The following CTNNB1 variants were observed in gnomAD, a reference collection of about 807,000 sequenced individuals.
CTNNB1 encodes the protein catenin beta-1.
In CTNNB1, 6 loss-of-function variants were observed where a neutral mutation model predicts 82.5. The observed-to-expected ratio is 0.07, with a 90% CI of 0.04 to 0.14. The LOEUF (loss-of-function observed/expected upper bound fraction) is 0.14. Ranked by LOEUF, CTNNB1 falls within the 10% of genes least tolerant of loss-of-function variation. The pLI, the probability that CTNNB1 is intolerant of heterozygous loss-of-function variation, is 1.00. For missense variants in CTNNB1, 529 were observed against 980.4 expected, an observed-to-expected ratio of 0.54 and a Z score of 6.15; for synonymous variants, 312 against 329.7, an observed-to-expected ratio of 0.95 and a Z score of 0.58.
chr3:41,204,688 C>CA (rs1298930374), intron 1 of CTNNB1, among the ~76,000 whole-genome samples: 1 of 152,204 alleles, frequency 6.6e-6, no homozygotes, highest in African/African-American at 2.4e-5. Flanking sequence ...TCTTGATTTG[C>CA]AAGTGTTGGT....
At chr3:41,211,239 A>C (rs556103754) in intron 1 of CTNNB1, among the ~76,000 whole-genome samples, 1 of 152,204 alleles carries the variant, frequency 6.6e-6, no homozygotes, top group Non-Finnish European at 1.5e-5. Flanking sequence ...TTTCAGCTCC[A>C]TTATAATCTT....
intron 6 of CTNNB1, 47 bp from the exon 7 acceptor site, chr3:41,227,161 T>G (rs773320938): frequency 6.7e-7 from 1 of 1,493,636 alleles, no homozygotes; most frequent in Non-Finnish European, 9.3e-7. Flanking sequence ...CTCAGACATG[T>G]GATCAAGATT....
intron 8 of CTNNB1, 24 bp downstream of exon 8, chr3:41,233,468 C>T (rs2125638248): frequency 6.2e-7 from 1 of 1,613,452 alleles, no homozygotes; most frequent in Middle Eastern, 1.7e-4. Flanking sequence ...AAACTGGTGC[C>T]ATGGGAATAG....
At position 41,235,862 on chromosome 3, in the gene CTNNB1, G is replaced by A; in HGVS notation, c.1803+19G>A. On this transcript the variant is annotated intron_variant, in intron 11 of 14. Coordinates refer to ENST00000349496, the MANE Select transcript of CTNNB1 (RefSeq NM_001904.4). ...TGTGCAGGTATGTTTTAAGTGAAGT[G>A]TTCTAGGTTTTATGTCCATAAAATT... The A allele has an allele frequency of 1.2e-6, 2 of 1,613,902 alleles. No individual in the cohort carries two copies. Among genetic ancestry groups the A allele is most frequent in the East Asian group, 2.2e-5 (1 of 44,872 alleles).
intron 1 of CTNNB1, among the ~76,000 whole-genome samples, chr3:41,200,994 T>A (rs2077516962): frequency 6.6e-6 from 1 of 152,212 alleles, no homozygotes; most frequent in Non-Finnish European, 1.5e-5. Flanking sequence ...CTTTGTATCA[T>A]GAATAATGGT....
At chr3:41,234,752 T>G (rs2078394003) in intron 10 of CTNNB1, 1 of 187,488 alleles carries the variant, frequency 5.3e-6, no homozygotes, top group African/African-American at 2.4e-5. Flanking sequence ...CAGAAATAAG[T>G]AGTAGCATTT....
chr3:41,205,110 A>G (rs1034937666), intron 1 of CTNNB1, among the ~76,000 whole-genome samples: 8 of 152,326 alleles, frequency 5.3e-5, no homozygotes, highest in African/African-American at 1.4e-4. Flanking sequence ...AGAGGTCTCA[A>G]AACTTAATCT....
Position 41,239,349 on chromosome 3 carries a change from C to T in CTNNB1, c.*7C>T. ...GTTTGATACTGACCTGTAAATCATC[C>T]TTTAGGTAAGAAGTTTTAAAAAGCC... On this transcript the variant is annotated 3_prime_UTR_variant, in exon 15 of 15. Transcript: ENST00000349496. The T allele has an allele frequency of 1.2e-6, 2 of 1,612,566 alleles. No homozygotes were observed. The highest frequency in any genetic ancestry group is 1.7e-6 in the Non-Finnish European group (2 of 1,179,018).
At position 41,225,069 on chromosome 3, in the gene CTNNB1, C is replaced by T. The variant is rs2125620360; in HGVS notation, c.357C>T (p.Pro119=). ...CTACACAGTTTGATGCTGCTCATCC[C>T]ACTAATGTCCAGCGTTTGGCTGAAC... ...IPSTQFDAAH[P]TNVQRLAEPS... Residue 119 remains proline, a synonymous_variant, in exon 4 of 15, where the codon CCC becomes CCT. Transcript: ENST00000349496. The surrounding 1 kb of genome is among the most constrained non-coding windows in gnomAD (Gnocchi z 5.3). 1 of 1,614,088 alleles carries T rather than the reference C, an allele frequency of 6.2e-7. No individual in the cohort carries two copies. The highest frequency in any genetic ancestry group is 2.2e-5 in the East Asian group (1 of 44,878).
Position 41,226,937 on chromosome 3 carries a change from G to A in CTNNB1, c.937-271G>A, listed in dbSNP as rs532634345. 3.9e-5 allele frequency among the ~76,000 whole-genome samples: 6 copies of A among 152,048 alleles called. No homozygotes were observed. In the South Asian group the frequency reaches 1.2e-3, roughly 32 times the overall value. On this transcript the variant is annotated intron_variant, in intron 6 of 14. Coordinates refer to ENST00000349496, the MANE Select transcript of CTNNB1 (RefSeq NM_001904.4). ...ATAGTTTCTAAATTTTTTTCTTTTG[G>A]TGTGATCACTGTGGGAAGAAGGAAA...
intron 10 of CTNNB1, chr3:41,235,143 A>T (rs1460456813): frequency 6.5e-6 from 1 of 154,728 alleles, no homozygotes; most frequent in East Asian, 1.9e-4. Context: ...AATGTAGCAG[A>T]ATAATAACCC....
intron 14 of CTNNB1, 141 bp downstream of exon 14, chr3:41,238,217 AG>A: frequency 1.3e-6 from 1 of 742,410 alleles, no homozygotes; most frequent in Non-Finnish European, 2.4e-6. Flanking sequence ...CTTAAATTCC[AG>A]TCAGCAACAG....
rs1207327076 is a variant in CTNNB1 at position 41,217,988 on chromosome 3, T to A, written c.-48-6033T>A. On this transcript the variant is annotated intron_variant, in intron 1 of 14. Coordinates refer to ENST00000349496, the MANE Select transcript of CTNNB1 (RefSeq NM_001904.4). Reference sequence around the variant, plus strand: ...GATTTTAAAAACTACATACACAAATTATCTCATGTTTCCCTTTTTGGTTTC... The same window carrying A: ...GATTTTAAAAACTACATACACAAATAATCTCATGTTTCCCTTTTTGGTTTC... Among the ~76,000 whole-genome samples the A allele has an allele frequency of 2.6e-5, 4 of 152,314 alleles. No homozygotes were observed. In the East Asian group the frequency reaches 5.8e-4, roughly 22 times the overall value.
intron 1 of CTNNB1, among the ~76,000 whole-genome samples, chr3:41,203,059 T>C (rs973850203): frequency 7.0e-6 from 1 of 142,200 alleles, no homozygotes; most frequent in African/African-American, 2.6e-5. Context: ...TTTTTTTAAC[T>C]CATGGGCATC....
At chr3:41,221,339 CT>C (rs35012062) in intron 1 of CTNNB1, 190 of 145,170 alleles carry the variant, frequency 1.3e-3, no homozygotes, top group Admixed American at 1.6e-3. Context: ...TTTATGTATC[CT>C]TTTTTTTTTT....
intron 1 of CTNNB1, chr3:41,220,711 TA>T (rs750319065): frequency 5.9e-5 from 9 of 152,206 alleles, no homozygotes; most frequent in Non-Finnish European, 1.2e-4. Context: ...AAACGGGGAA[TA>T]ATTCTTTGGA....
chr3:41,229,821 G>C (rs1206493471), intron 7 of CTNNB1, among the ~76,000 whole-genome samples: 1 of 151,912 alleles, frequency 6.6e-6, no homozygotes, highest in Non-Finnish European at 1.5e-5. Flanking sequence ...TGTATATTGT[G>C]TATGTTGGCA....
In CTNNB1 at chr3:41,233,649, A is replaced by G. The variant is rs2125639418; in HGVS notation, c.1306A>G (p.Met436Val). ...NLTCNNYKNKMMVCQVGGIEA... is the reference protein window; with the variant it reads ...NLTCNNYKNKVMVCQVGGIEA... ...CACTTGCAATAATTATAAGAACAAG[A>G]TGATGGTCTGCCAAGTGGGTGGTAT... is the stretch of plus-strand genomic sequence containing the variant. The change falls in exon 9 of 15, where the codon ATG becomes GTG. Residue 436 changes from methionine to valine, a missense_variant. Physicochemically the swap from Met to Val is conservative, Grantham distance 21. Coordinates refer to ENST00000349496, the MANE Select transcript of CTNNB1 (RefSeq NM_001904.4). 6.2e-7 allele frequency: 1 copy of G among 1,614,180 alleles called. No homozygotes were observed. Among genetic ancestry groups the G allele is most frequent in the Non-Finnish European group, 8.5e-7 (1 of 1,180,036 alleles).
chr3:41,236,301 T>G, intron 11 of CTNNB1, 48 bp from the exon 12 acceptor site: 1 of 1,610,602 alleles, frequency 6.2e-7, no homozygotes, highest in Non-Finnish European at 8.5e-7. Flanking sequence ...GGGCTTGCCA[T>G]GTTTTAGCTT....
Sources: gnomAD v4.1 joint callset for allele counts (sites outside exome capture counted in the v4.1 genomes callset) on GRCh38, gnomAD v4.1.1 for gene constraint, Gnocchi (gnomAD v3.1) non-coding constraint, MANE v1.5 for transcripts, NCBI Gene and HGNC (gene_info 2026-07-23, HGNC 2026-07-21) for gene names.